Variants in TRMT44 observed in about 807,000 individuals in gnomAD.
TRMT44 encodes the protein probable tRNA (uracil-O(2)-)-methyltransferase.
Under a neutral mutation model 77.3 loss-of-function variants are expected in TRMT44, and 78 were observed. That is an observed-to-expected ratio of 1.01 (90% confidence interval 0.84 to 1.22). TRMT44 has a LOEUF of 1.22. Ranked by LOEUF, TRMT44 falls within the 50% of genes most tolerant of loss-of-function variation. The pLI is 0.00. For synonymous variants in TRMT44, 391 were observed against 383.3 expected (o/e 1.02, Z -0.23); for missense variants, 1,090 against 964.4 (o/e 1.13, Z -1.73).
chr4:8,454,599 C>A (rs1429041013), intron 5 of TRMT44, 143 bp from the exon 6 acceptor site: 15 of 709,718 alleles, frequency 2.1e-5, no homozygotes, highest in Non-Finnish European at 3.4e-5. Flanking sequence ...CTGGACACAT[C>A]AGGATGGGTA....
intron 2 of TRMT44, among the ~76,000 whole-genome samples, chr4:8,447,402 T>C (rs1314579110): frequency 6.6e-6 from 1 of 152,204 alleles, no homozygotes; most frequent in African/African-American, 2.4e-5. Flanking sequence ...TCAGCTGATA[T>C]TTTCCTGAGT....
rs1579024846 is a variant in TRMT44, at chr4:8,441,472, A to C, written c.619+31A>C. Reference sequence around the variant, plus strand: ...AGTGTTTTGATAGTGGACGGATATGATTAGATAAAAAAGCATTCATAGAAC... The same window carrying C: ...AGTGTTTTGATAGTGGACGGATATGCTTAGATAAAAAAGCATTCATAGAAC... On this transcript the variant is annotated intron_variant, in intron 1 of 10. Transcript: ENST00000389737. 9 of 1,453,814 alleles carry C rather than the reference A, an allele frequency of 6.2e-6. No individual in the cohort carries two copies. In the East Asian group the frequency reaches 2.3e-4, roughly 37 times the overall value. 90.1% of individuals were successfully genotyped at this position (1,453,814 alleles called of 1,614,324 possible).
At chr4:8,489,881 G>C (rs2109231121) in intron 2 of TRMT44, among the ~76,000 whole-genome samples, 1 of 152,300 alleles carries the variant, frequency 6.6e-6, no homozygotes, top group African/African-American at 2.4e-5. Context: ...TCCTGCTAAG[G>C]CACAGACATG....
chr4:8,453,093 G>A, intron 5 of TRMT44, 104 bp downstream of exon 5: 1 of 626,384 alleles, frequency 1.6e-6, no homozygotes, highest in Non-Finnish European at 2.6e-6. Flanking sequence ...GCCTGGATTT[G>A]GAGTCAGCCA....
intron 1 of TRMT44, among the ~76,000 whole-genome samples, chr4:8,445,027 C>T (rs1435104388): frequency 6.6e-6 from 1 of 152,182 alleles, no homozygotes; most frequent in Admixed American, 6.5e-5. Flanking sequence ...AAACATGCTA[C>T]AGTGCACGGG....
chr4:8,485,587 C>T (rs1727777086), intron 2 of TRMT44, among the ~76,000 whole-genome samples: 1 of 151,706 alleles, frequency 6.6e-6, no homozygotes, highest in East Asian at 1.9e-4. Context: ...TGATCGGTTG[C>T]CAGGGAAGGA....
chr4:8,507,417 C>A, the TRMT44 span: 1 of 152,606 alleles, frequency 6.6e-6, no homozygotes, highest in Non-Finnish European at 1.5e-5. Flanking sequence ...TGGCTGAAAA[C>A]CCCGGGAGGG....
At chr4:8,465,918 G>A (rs1385286052) in intron 8 of TRMT44, among the ~76,000 whole-genome samples, 1 of 152,200 alleles carries the variant, frequency 6.6e-6, no homozygotes, top group Admixed American at 6.5e-5. Flanking sequence ...GCAGATAATT[G>A]GCTGCGATTG....
the TRMT44 span, among the ~76,000 whole-genome samples, chr4:8,504,037 C>T: frequency 6.6e-6 from 1 of 152,190 alleles, no homozygotes; most frequent in African/African-American, 2.4e-5. The surrounding 1 kb of genome is among the most constrained non-coding windows in gnomAD (Gnocchi z 5.3). Flanking sequence ...CCCGTCCACA[C>T]CTGCTCTCTC....
rs1468737948 is a variant in TRMT44, at chr4:8,452,045, C to T, written c.1023+17C>T. 4.7e-5 allele frequency: 72 copies of T among 1,535,548 alleles called. No individual in the cohort carries two copies. The highest frequency in any genetic ancestry group is 5.8e-5 in the Non-Finnish European group (67 of 1,146,150). On this transcript the variant is annotated intron_variant, in intron 4 of 10. Transcript: ENST00000389737. The surrounding 1 kb of genome is among the most constrained non-coding windows in gnomAD (Gnocchi z 5.7). Reference sequence around the variant, plus strand: ...TACCTGCTGGTAAGGGTGTAAGCGACCTCAGCTTCTCTGGAGTGGGTGGAG... The same window carrying T: ...TACCTGCTGGTAAGGGTGTAAGCGATCTCAGCTTCTCTGGAGTGGGTGGAG...
intron 2 of TRMT44, among the ~76,000 whole-genome samples, chr4:8,491,458 G>T (rs564510049): frequency 6.6e-6 from 1 of 152,254 alleles, no homozygotes; most frequent in Non-Finnish European, 1.5e-5. Context: ...CGTGGAGCAG[G>T]GGGTGGTGCT....
the TRMT44 span, among the ~76,000 whole-genome samples, chr4:8,499,734 G>A: frequency 6.6e-6 from 1 of 152,180 alleles, no homozygotes; most frequent in South Asian, 2.1e-4. Context: ...AGAAAGAGGG[G>A]GATCACAGAC....
downstream of TRMT44, chr4:8,477,560 GAGC>G (rs960482974): frequency 1.3e-5 from 2 of 152,534 alleles, no homozygotes; most frequent in African/African-American, 4.8e-5. Flanking sequence ...AGCCCCGAGG[GAGC>G]AGCCAGGAGC....
intron 8 of TRMT44, among the ~76,000 whole-genome samples, chr4:8,467,037 G>A (rs1726608408): frequency 6.6e-6 from 1 of 152,232 alleles, no homozygotes; most frequent in Non-Finnish European, 1.5e-5. Context: ...CCTTGCTGGG[G>A]CTGGGCAGGG....
At chr4:8,500,335 T>C in the TRMT44 span, among the ~76,000 whole-genome samples, 1 of 151,604 alleles carries the variant, frequency 6.6e-6, no homozygotes, top group Non-Finnish European at 1.5e-5. Context: ...CTACTAAAAA[T>C]GCAAAAATTA....
At chr4:8,497,161 GA>G (rs35917442), downstream of TRMT44, among the ~76,000 whole-genome samples, 3,740 of 143,952 alleles carry the variant, frequency 0.026, 147 homozygotes, top group African/African-American at 0.088. Context: ...AAGGTTGAGG[GA>G]AAAAAAAAAA....
At chr4:8,497,090 T>A (rs1006060287), downstream of TRMT44, among the ~76,000 whole-genome samples, 2 of 151,420 alleles carry the variant, frequency 1.3e-5, no homozygotes, top group Non-Finnish European at 2.9e-5. Flanking sequence ...TATAAGATAA[T>A]GCTGTCTGAA....
At chr4:8,453,028 C>A in intron 5 of TRMT44, 39 bp downstream of exon 5, 1 of 1,306,668 alleles carries the variant, frequency 7.7e-7, no homozygotes, top group South Asian at 1.5e-5. Flanking sequence ...GTAACTTGTC[C>A]AGAGTTTCCT....
intron 10 of TRMT44, among the ~76,000 whole-genome samples, chr4:8,472,794 G>GCTGGGCTGGGCCTGCTGC (rs1312020132): frequency 4.1e-5 from 6 of 147,442 alleles, no homozygotes; most frequent in Non-Finnish European, 8.9e-5. Flanking sequence ...GGGCCTGCTG[G>GCTGGGCTGGGCCTGCTGC]CTGGGCTGGG....
Sources: allele counts gnomAD v4.1 joint callset (sites outside exome capture counted in the v4.1 genomes callset), GRCh38; gene constraint gnomAD v4.1.1; non-coding constraint Gnocchi (gnomAD v3.1); transcripts MANE v1.5; gene names NCBI Gene and HGNC (gene_info 2026-07-23, HGNC 2026-07-21).